ZBTB20: variants seen among roughly 807,000 people sequenced by gnomAD.
ZBTB20 encodes zinc finger and BTB domain containing 20.
ZBTB20 carries 9 observed loss-of-function variants against 56.9 expected under a neutral mutation model. The ratio of observed to expected loss-of-function variants is 0.16; its 90% CI spans 0.10 to 0.28. The LOEUF is 0.28. ZBTB20 is among the 10% of genes least tolerant of loss of function. The pLI, the probability that ZBTB20 is intolerant of heterozygous loss-of-function variation, is 1.00. For missense variants in ZBTB20, 655 were observed against 1,003.0 expected, an observed-to-expected ratio of 0.65 and a Z score of 4.69; for synonymous variants, 417 against 420.7, an observed-to-expected ratio of 0.99 and a Z score of 0.11.
intron 1 of ZBTB20, among the ~76,000 whole-genome samples, chr3:115,116,701 A>G (rs1482096787): frequency 6.6e-6 from 1 of 152,080 alleles, no homozygotes; most frequent in African/African-American, 2.4e-5. Flanking sequence ...CCCAGGAAAG[A>G]GAGAAAGAGA....
intron 6 of ZBTB20, among the ~76,000 whole-genome samples, chr3:114,549,184 T>C (rs1183733386): frequency 6.6e-6 from 1 of 152,230 alleles, no homozygotes; most frequent in African/African-American, 2.4e-5. Context: ...GAGTATTTTA[T>C]GTGCTCATTT....
At chr3:114,713,693 T>C (rs2064255676) in intron 5 of ZBTB20, among the ~76,000 whole-genome samples, 1 of 152,202 alleles carries the variant, frequency 6.6e-6, no homozygotes, top group Non-Finnish European at 1.5e-5. Flanking sequence ...GGGTAATATC[T>C]TCTTTCTAAG....
chr3:114,811,260 G>A (rs2072496834), intron 4 of ZBTB20, among the ~76,000 whole-genome samples: 1 of 152,036 alleles, frequency 6.6e-6, no homozygotes, highest in Non-Finnish European at 1.5e-5. Flanking sequence ...ATACTTCCTT[G>A]GGAACACACA....
At chr3:115,012,113 C>A (rs2079742575) in intron 2 of ZBTB20, among the ~76,000 whole-genome samples, 1 of 151,480 alleles carries the variant, frequency 6.6e-6, no homozygotes, top group African/African-American at 2.4e-5. Context: ...CAGAGAAAAT[C>A]ATCTTCACGA....
intron 4 of ZBTB20, among the ~76,000 whole-genome samples, chr3:114,820,477 T>C (rs2073175319): frequency 6.6e-6 from 1 of 152,084 alleles, no homozygotes; most frequent in Non-Finnish European, 1.5e-5. Context: ...TTATCCATGA[T>C]TGGTGGTGTC....
chr3:115,022,277 T>C (rs1416889835), intron 2 of ZBTB20, among the ~76,000 whole-genome samples: 1 of 151,042 alleles, frequency 6.6e-6, no homozygotes, highest in African/African-American at 2.4e-5. Flanking sequence ...TTCTAAAACA[T>C]ACTTTTAAAC....
At chr3:114,519,049 T>C (rs931055285) in intron 6 of ZBTB20, 3 of 152,200 alleles carry the variant, frequency 2.0e-5, no homozygotes, top group Non-Finnish European at 2.9e-5. Flanking sequence ...GGAATGAAGT[T>C]CAGTCCTAAA....
At chr3:114,552,173 T>C (rs1405263804) in intron 6 of ZBTB20, among the ~76,000 whole-genome samples, 1 of 152,190 alleles carries the variant, frequency 6.6e-6, no homozygotes, top group Non-Finnish European at 1.5e-5. Context: ...TGATTTGTCA[T>C]TGCACTCCAG....
At chr3:114,770,239 G>C (rs2069103197) in intron 5 of ZBTB20, among the ~76,000 whole-genome samples, 1 of 151,878 alleles carries the variant, frequency 6.6e-6, no homozygotes, top group Non-Finnish European at 1.5e-5. Context: ...AGGAGTTCAA[G>C]ACCAGCCTGG....
intron 7 of ZBTB20, among the ~76,000 whole-genome samples, chr3:114,454,289 A>C (rs543276609): frequency 2.0e-5 from 3 of 151,696 alleles, no homozygotes; most frequent in Admixed American, 6.6e-5. Context: ...GTCAAGCGTT[A>C]AGTAACTCCC....
chr3:115,097,640 C>T (rs906289344), intron 1 of ZBTB20, among the ~76,000 whole-genome samples: 2 of 152,080 alleles, frequency 1.3e-5, no homozygotes, highest in Admixed American at 1.3e-4. Flanking sequence ...TAACTGTCTG[C>T]TCCAACATTA....
intron 2 of ZBTB20, among the ~76,000 whole-genome samples, chr3:115,054,781 C>T (rs764827815): frequency 1.3e-5 from 2 of 152,038 alleles, no homozygotes; most frequent in African/African-American, 2.4e-5. Flanking sequence ...TTATTAAGAT[C>T]CCTACATGTA....
intron 2 of ZBTB20, among the ~76,000 whole-genome samples, chr3:115,027,112 A>T (rs557003232): frequency 6.6e-6 from 1 of 150,996 alleles, no homozygotes; most frequent in Admixed American, 6.6e-5. Context: ...ACTGTCAAAA[A>T]TTTTTGCTAC....
At chr3:114,701,172 C>T (rs1578414609) in intron 5 of ZBTB20, among the ~76,000 whole-genome samples, 1 of 152,250 alleles carries the variant, frequency 6.6e-6, no homozygotes, top group Non-Finnish European at 1.5e-5. Context: ...CTCCATTCCA[C>T]TGTATTGATG....
At chr3:114,871,092 G>T (rs562503389) in intron 4 of ZBTB20, among the ~76,000 whole-genome samples, 1 of 152,274 alleles carries the variant, frequency 6.6e-6, no homozygotes, top group South Asian at 2.1e-4. Flanking sequence ...CAAGAAAGGA[G>T]AAGGCCATGA....
chr3:114,545,089 T>C (rs1397583519), intron 6 of ZBTB20, among the ~76,000 whole-genome samples: 3 of 152,192 alleles, frequency 2.0e-5, no homozygotes, highest in Non-Finnish European at 2.9e-5. Flanking sequence ...GCATTATCCA[T>C]GAGCATCATC....
chr3:114,851,241 C>T (rs1579157435), intron 4 of ZBTB20, among the ~76,000 whole-genome samples: 1 of 152,106 alleles, frequency 6.6e-6, no homozygotes, highest in Non-Finnish European at 1.5e-5. Context: ...GTTGGTAACA[C>T]ATTTAAGAGG....
intron 3 of ZBTB20, among the ~76,000 whole-genome samples, chr3:114,919,364 T>C (rs986795183): frequency 4.0e-5 from 6 of 151,466 alleles, no homozygotes; most frequent in African/African-American, 1.2e-4. Context: ...AAAGCAAAAA[T>C]TGAATAAAAT....
intron 7 of ZBTB20, among the ~76,000 whole-genome samples, chr3:114,455,052 GA>G (rs372464790): frequency 0.012 from 1,687 of 139,482 alleles, 21 homozygotes; most frequent in Middle Eastern, 0.025. Flanking sequence ...GGAAGAGAGA[GA>G]GGGGGGGGAG....
Sources: gnomAD v4.1 joint callset for allele counts (sites outside exome capture counted in the v4.1 genomes callset) on GRCh38, gnomAD v4.1.1 for gene constraint, MANE v1.5 for transcripts, NCBI Gene and HGNC (gene_info 2026-07-23, HGNC 2026-07-21) for gene names.